Variants in LRP1B observed in about 807,000 individuals in gnomAD.
LRP1B encodes the protein LDL receptor related protein 1B, also known as low-density lipoprotein receptor-related protein 1B.
In LRP1B, 217 loss-of-function variants were observed where a neutral mutation model predicts 556.6. The observed-to-expected ratio is 0.39, with a 90% CI of 0.35 to 0.44. The LOEUF (loss-of-function observed/expected upper bound fraction) is 0.44. Among genes scored for constraint, LRP1B ranks in the 20% least tolerant of loss-of-function variants. The pLI, the probability that LRP1B is intolerant of heterozygous loss-of-function variation, is 1.00. For missense variants in LRP1B, 5,053 were observed against 5,620.8 expected (o/e 0.90, Z 3.23); for synonymous variants, 2,047 against 1,865.8 (o/e 1.10, Z -2.50).
At chr2:141,624,702 T>A (rs1040790866) in intron 2 of LRP1B, among the ~76,000 whole-genome samples, 4 of 152,200 alleles carry the variant, frequency 2.6e-5, no homozygotes, top group Non-Finnish European at 5.9e-5. Context: ...GCATTATTCA[T>A]TTTTCCTATC....
chr2:140,588,418 TAGAC>T (rs1384429925), intron 43 of LRP1B, among the ~76,000 whole-genome samples: 1 of 152,204 alleles, frequency 6.6e-6, no homozygotes, highest in African/African-American at 2.4e-5. Flanking sequence ...CTAAAAAAGT[TAGAC>T]AGAGAATATA....
chr2:140,590,868 A>G (rs898031853), intron 43 of LRP1B, among the ~76,000 whole-genome samples: 2 of 152,176 alleles, frequency 1.3e-5, no homozygotes, highest in Admixed American at 1.3e-4. Context: ...ACAGCATATT[A>G]AAGTGTTCAC....
At chr2:140,963,047 T>C (rs1195221540) in intron 18 of LRP1B, among the ~76,000 whole-genome samples, 1 of 152,130 alleles carries the variant, frequency 6.6e-6, no homozygotes, top group Non-Finnish European at 1.5e-5. Context: ...AATGACAAAA[T>C]GTTACAGTGG....
At chr2:141,212,050 A>G (rs1179006132) in intron 6 of LRP1B, among the ~76,000 whole-genome samples, 2 of 152,132 alleles carry the variant, frequency 1.3e-5, no homozygotes, top group African/African-American at 4.8e-5. Context: ...GTTTAATAAA[A>G]CATGTATTTG....
At chr2:141,336,595 G>T (rs559050165) in intron 3 of LRP1B, among the ~76,000 whole-genome samples, 14 of 151,954 alleles carry the variant, frequency 9.2e-5, no homozygotes, top group African/African-American at 3.4e-4. Flanking sequence ...GTTATGTTTT[G>T]CTATGTAGTT....
Position 140,751,985 on chromosome 2 carries a change from G to C in LRP1B, c.5758+17228C>G, listed in dbSNP as rs546552403. On this transcript the variant is annotated intron_variant, in intron 35 of 90. Transcript: ENST00000389484. Reference sequence around the variant, plus strand: ...TTTATTATAGACAGCATTTTTTTTAGTCTGAATGGAAGAGGATTCTGTCAG... The same window carrying C: ...TTTATTATAGACAGCATTTTTTTTACTCTGAATGGAAGAGGATTCTGTCAG... Among the ~76,000 whole-genome samples the C allele has an allele frequency of 2.0e-5, 3 of 152,118 alleles. No individual in the cohort carries two copies. In the South Asian group the frequency reaches 6.2e-4, roughly 32 times the overall value.
rs575929828 is a variant in LRP1B at position 140,708,046 on chromosome 2, A to T, written c.6024-5493T>A. Among the ~76,000 whole-genome samples the T allele has an allele frequency of 2.6e-5, 4 of 152,232 alleles. 1 individual carries two copies. In the South Asian group the frequency reaches 8.3e-4, roughly 32 times the overall value. ...ATCTATTATGTGCTAGGAGCTGATG[A>T]TACAAAATAAATCGGATTTAGGTAC... On this transcript the variant is annotated intron_variant, in intron 37 of 90. Coordinates refer to ENST00000389484, the MANE Select transcript of LRP1B (RefSeq NM_018557.3).
intron 59 of LRP1B, among the ~76,000 whole-genome samples, chr2:140,479,374 T>A (rs1360734877): frequency 6.6e-6 from 1 of 152,084 alleles, no homozygotes; most frequent in Non-Finnish European, 1.5e-5. Context: ...AAAGAAGAGA[T>A]CTAAATTGCA....
chr2:140,627,347 A>G (rs1683700073), intron 41 of LRP1B, among the ~76,000 whole-genome samples: 2 of 152,168 alleles, frequency 1.3e-5, no homozygotes, highest in Non-Finnish European at 1.5e-5. Context: ...AGAGGATAAA[A>G]GCAGGCAGAG....
At chr2:140,605,267 G>A (rs1051780043) in intron 41 of LRP1B, among the ~76,000 whole-genome samples, 2 of 152,054 alleles carry the variant, frequency 1.3e-5, no homozygotes, top group South Asian at 2.1e-4. Flanking sequence ...ACACACAGAA[G>A]CACTCTCAAT....
intron 35 of LRP1B, among the ~76,000 whole-genome samples, chr2:140,742,500 AGAC>A (rs1387680347): frequency 6.6e-6 from 1 of 152,238 alleles, no homozygotes; most frequent in Non-Finnish European, 1.5e-5. Flanking sequence ...TCAATAAAAC[AGAC>A]GACGAGAAGG....
chr2:141,424,868 G>A (rs1376709419), intron 3 of LRP1B, among the ~76,000 whole-genome samples: 1 of 152,124 alleles, frequency 6.6e-6, no homozygotes, highest in Non-Finnish European at 1.5e-5. Flanking sequence ...CAATGAACCT[G>A]AATTACTTTG....
intron 7 of LRP1B, among the ~76,000 whole-genome samples, chr2:141,121,314 ACAT>A (rs1701042485): frequency 6.6e-6 from 1 of 152,096 alleles, no homozygotes; most frequent in Admixed American, 6.6e-5. Context: ...GGATTTTATA[ACAT>A]CATCCCATCC....
chr2:140,901,654 T>C (rs1694108550), intron 23 of LRP1B, among the ~76,000 whole-genome samples: 1 of 152,092 alleles, frequency 6.6e-6, no homozygotes, highest in South Asian at 2.1e-4. Flanking sequence ...GATTAGAAAA[T>C]TTTTTTAAAG....
intron 3 of LRP1B, among the ~76,000 whole-genome samples, chr2:141,330,391 T>C (rs1687595592): frequency 6.6e-6 from 1 of 152,230 alleles, no homozygotes; most frequent in African/African-American, 2.4e-5. Flanking sequence ...CATAGTATTC[T>C]ATATGTGTTT....
intron 7 of LRP1B, among the ~76,000 whole-genome samples, chr2:141,096,417 G>A (rs553949862): frequency 6.6e-6 from 1 of 151,920 alleles, no homozygotes; most frequent in African/African-American, 2.4e-5. Flanking sequence ...GTGAAACCCC[G>A]TCTCTACAAA....
intron 1 of LRP1B, among the ~76,000 whole-genome samples, chr2:142,077,358 A>T (rs1332705041): frequency 6.6e-6 from 1 of 152,156 alleles, no homozygotes; most frequent in Non-Finnish European, 1.5e-5. Flanking sequence ...TTCTTTAGGA[A>T]GGGACTATGT....
rs552932866 is a variant in LRP1B at position 141,158,969 on chromosome 2, T to C, written c.1013+29452A>G. ...CTTCTTATAGCCAGTTTTCACTCCA[T>C]GTTCGTCATAAGATTCTAGAAGTAT... On this transcript the variant is annotated intron_variant, in intron 7 of 90. Coordinates refer to ENST00000389484, the MANE Select transcript of LRP1B (RefSeq NM_018557.3). Among the ~76,000 whole-genome samples the C allele has an allele frequency of 1.8e-4, 28 of 152,262 alleles. No individual in the cohort carries two copies. In the East Asian group the frequency reaches 5.2e-3, roughly 28 times the overall value.
intron 3 of LRP1B, among the ~76,000 whole-genome samples, chr2:141,280,857 A>AT (rs1685484091): frequency 6.6e-6 from 1 of 152,022 alleles, no homozygotes; most frequent in African/African-American, 2.4e-5. Flanking sequence ...TAATTAGCTG[A>AT]TTAGAGAGTT....
Sources: allele counts gnomAD v4.1 joint callset (sites outside exome capture counted in the v4.1 genomes callset), GRCh38; gene constraint gnomAD v4.1.1; transcripts MANE v1.5; gene names NCBI Gene and HGNC (gene_info 2026-07-23, HGNC 2026-07-21).